The following IGSF21 variants were observed in gnomAD, a reference collection of about 807,000 sequenced individuals.
The protein encoded by IGSF21 is immunoglobin superfamily member 21, also known as immunoglobulin superfamily member 21.
A neutral mutation model predicts 46.8 loss-of-function variants in IGSF21; 28 were observed. That is an observed-to-expected ratio of 0.60 (90% CI 0.44 to 0.82). IGSF21 has a LOEUF of 0.82. Ranked by LOEUF, IGSF21 falls within the 40% of genes least tolerant of loss-of-function variation. The pLI, the probability that IGSF21 is intolerant of heterozygous loss-of-function variation, is 0.00. For missense variants in IGSF21, 624 were observed against 665.5 expected, an observed-to-expected ratio of 0.94 and a Z score of 0.69; for synonymous variants, 284 against 273.6, an observed-to-expected ratio of 1.04 and a Z score of -0.38.
At chr1:18,342,715 G>A (rs1158780597) in intron 4 of IGSF21, among the ~76,000 whole-genome samples, 7 of 152,084 alleles carry the variant, frequency 4.6e-5, no homozygotes, top group African/African-American at 7.2e-5. Context: ...AGTTTCTTTC[G>A]CTTTGCATAA....
At chr1:18,255,095 C>A (rs1262589756) in intron 2 of IGSF21, among the ~76,000 whole-genome samples, 1 of 152,208 alleles carries the variant, frequency 6.6e-6, no homozygotes, top group Non-Finnish European at 1.5e-5. Context: ...TTTGGCCCTG[C>A]CCAGATCTGG....
chr1:18,296,731 A>G (rs908867761), intron 3 of IGSF21, among the ~76,000 whole-genome samples: 1 of 152,184 alleles, frequency 6.6e-6, no homozygotes, highest in Non-Finnish European at 1.5e-5. Flanking sequence ...TGGCCATTCC[A>G]GAGGGCAGCT....
intron 1 of IGSF21, among the ~76,000 whole-genome samples, chr1:18,144,092 A>AT (rs1351971784): frequency 2.6e-5 from 4 of 152,020 alleles, no homozygotes; most frequent in African/African-American, 4.8e-5. Context: ...CCTTAGGGGA[A>AT]TGTCAGTGTC....
intron 1 of IGSF21, among the ~76,000 whole-genome samples, chr1:18,132,188 GA>G (rs2086327788): frequency 1.3e-5 from 2 of 152,004 alleles, no homozygotes; most frequent in Non-Finnish European, 2.9e-5. Flanking sequence ...TGGATGGATG[GA>G]TGGATGGATG....
Position 18,108,024 on chromosome 1 carries a change from G to A in IGSF21, c.-105G>A. Reference sequence around the variant, plus strand: ...TCTCCGCGCTGCCCGCCACCGCCTCGGCCAGTGGCCGGAGGCAGGAGCGCG... The same window carrying A: ...TCTCCGCGCTGCCCGCCACCGCCTCAGCCAGTGGCCGGAGGCAGGAGCGCG... On this transcript the variant is annotated 5_prime_UTR_variant, in exon 1 of 10. Transcript: ENST00000251296. 1 of 411,424 alleles carries A rather than the reference G, an allele frequency of 2.4e-6. No individual in the cohort carries two copies. The highest frequency in any genetic ancestry group is 3.8e-6 in the Non-Finnish European group (1 of 262,164). The allele number at this position is 411,424 out of a possible 1,614,324, so 25.5% of individuals were successfully genotyped here.
intron 2 of IGSF21, among the ~76,000 whole-genome samples, chr1:18,238,163 G>C (rs531217316): frequency 6.6e-6 from 1 of 152,300 alleles, no homozygotes; most frequent in Admixed American, 6.5e-5. Flanking sequence ...CGCTGAGTGT[G>C]AAATGTGTAG....
intron 1 of IGSF21, among the ~76,000 whole-genome samples, chr1:18,161,008 A>G (rs1451130638): frequency 6.6e-6 from 1 of 152,048 alleles, no homozygotes; most frequent in Non-Finnish European, 1.5e-5. Flanking sequence ...CAGGGGACCA[A>G]CTGTAGAGCT....
chr1:18,171,048 G>A (rs1350897060), intron 1 of IGSF21, among the ~76,000 whole-genome samples: 1 of 151,886 alleles, frequency 6.6e-6, no homozygotes, highest in Non-Finnish European at 1.5e-5. Context: ...CCTGTGGAAG[G>A]ACCTGGGAGT....
At chr1:18,368,546 A>G (rs115797072) in intron 6 of IGSF21, among the ~76,000 whole-genome samples, 4,384 of 81,014 alleles carry the variant, frequency 0.054, 88 homozygotes, top group Non-Finnish European at 0.079. Context: ...GAAAAAAGAT[A>G]TTACAAGCAT....
At chr1:18,351,844 T>TA (rs1478905276) in intron 4 of IGSF21, among the ~76,000 whole-genome samples, 1 of 152,226 alleles carries the variant, frequency 6.6e-6, no homozygotes, top group Non-Finnish European at 1.5e-5. Flanking sequence ...TCGTGGGGCT[T>TA]AAACACATTC....
At chr1:18,231,399 G>C (rs766140012) in intron 2 of IGSF21, among the ~76,000 whole-genome samples, 4 of 152,200 alleles carry the variant, frequency 2.6e-5, no homozygotes, top group Non-Finnish European at 5.9e-5. Flanking sequence ...CCTCAAGGGA[G>C]GGGAAGGAAA....
At chr1:18,342,942 G>A (rs2085857826) in intron 4 of IGSF21, among the ~76,000 whole-genome samples, 1 of 152,116 alleles carries the variant, frequency 6.6e-6, no homozygotes, top group Non-Finnish European at 1.5e-5. Context: ...AGTTCTCTTG[G>A]GTATGTATCC....
chr1:18,133,452 C>A (rs983011745), intron 1 of IGSF21, among the ~76,000 whole-genome samples: 3 of 152,244 alleles, frequency 2.0e-5, no homozygotes, highest in African/African-American at 7.2e-5. Flanking sequence ...TGGGCGCCCC[C>A]GCTTCTCCAT....
chr1:18,135,080 A>T (rs532211718), intron 1 of IGSF21, among the ~76,000 whole-genome samples: 1 of 152,140 alleles, frequency 6.6e-6, no homozygotes. Context: ...CCAAACCCCA[A>T]ACGTGAAATG....
At chr1:18,330,759 C>A (rs1369498585) in intron 3 of IGSF21, among the ~76,000 whole-genome samples, 2 of 152,140 alleles carry the variant, frequency 1.3e-5, no homozygotes, top group Non-Finnish European at 2.9e-5. Flanking sequence ...TCTCTTTTTG[C>A]CATTTTTTAT....
intron 3 of IGSF21, among the ~76,000 whole-genome samples, chr1:18,300,725 CA>C (rs1181327405): frequency 2.6e-5 from 4 of 152,180 alleles, no homozygotes; most frequent in Non-Finnish European, 5.9e-5. Context: ...GCTCCCTGGC[CA>C]TGACACTCTC....
chr1:18,182,908 C>T (rs918012131), intron 1 of IGSF21, among the ~76,000 whole-genome samples: 3 of 152,182 alleles, frequency 2.0e-5, no homozygotes, highest in Non-Finnish European at 2.9e-5. Context: ...CCTCATCTCT[C>T]GTTCCCCTGA....
chr1:18,305,543 GGAT>G (rs75038656), intron 3 of IGSF21, among the ~76,000 whole-genome samples: 5 of 130,192 alleles, frequency 3.8e-5, no homozygotes, highest in African/African-American at 1.3e-4. Flanking sequence ...ATGGATGGAT[GGAT>G]GATGGATGGA....
intron 1 of IGSF21, among the ~76,000 whole-genome samples, chr1:18,150,409 G>A (rs61766500): frequency 3.4e-5 from 2 of 59,110 alleles, no homozygotes; most frequent in Admixed American, 2.1e-4. Flanking sequence ...TTGGCATGGC[G>A]GGGGGGGTCT....
Sources: allele counts gnomAD v4.1 joint callset (sites outside exome capture counted in the v4.1 genomes callset), GRCh38; gene constraint gnomAD v4.1.1; transcripts MANE v1.5; gene names NCBI Gene and HGNC (gene_info 2026-07-23, HGNC 2026-07-21).